Variants in FREM2 observed in about 807,000 individuals in gnomAD.
FREM2 encodes the protein FRAS1 related extracellular matrix 2, also known as FRAS1-related extracellular matrix protein 2.
Under a neutral mutation model 219.9 loss-of-function variants are expected in FREM2, and 119 were observed. The observed-to-expected ratio is 0.54, with a 90% confidence interval of 0.47 to 0.63. FREM2 has a LOEUF of 0.63. FREM2 is among the 30% of genes least tolerant of loss of function. FREM2 has a pLI of 0.00. For synonymous variants in FREM2, 1,562 were observed against 1,522.8 expected (o/e 1.03, Z -0.60); for missense variants, 4,030 against 3,993.6 (o/e 1.01, Z -0.25).
intron 2 of FREM2, among the ~76,000 whole-genome samples, chr13:38,748,067 C>G (rs552789326): frequency 1.3e-5 from 2 of 152,066 alleles, no homozygotes; most frequent in Non-Finnish European, 2.9e-5. Context: ...TTTTTTGGAA[C>G]TGGCCAAAAT....
In FREM2 at chr13:38,769,802, G is replaced by A; in HGVS notation, c.5635G>A (p.Gly1879Arg). 1 of 1,613,284 alleles carries A rather than the reference G, an allele frequency of 6.2e-7. No individual in the cohort carries two copies. The highest frequency in any genetic ancestry group is 8.5e-7 in the Non-Finnish European group (1 of 1,179,266). ...TVATVEIVDP[G>R]DEPTVFIPQS... ...CGCCACTGTTGAGATCGTTGATCCA[G>A]GAGATGGTAAGAGCCATCGTCAACT... The change falls in exon 4 of 24, where the codon GGA (glycine) becomes AGA (arginine). Residue 1879 changes from glycine (G) to arginine (R), a missense_variant. Coordinates refer to ENST00000280481, the MANE Select transcript of FREM2 (RefSeq NM_207361.6).
At chr13:38,840,644 A>ATATATATATATATGTGTGTG (rs1184958401) in intron 6 of FREM2, among the ~76,000 whole-genome samples, 1 of 134,268 alleles carries the variant, frequency 7.4e-6, no homozygotes, top group African/African-American at 2.9e-5. Context: ...ATATATATAT[A>ATATATATATATATGTGTGTG]TGTGTATGTA....
chr13:38,816,134 G>A (rs1875754722), intron 6 of FREM2, among the ~76,000 whole-genome samples: 1 of 152,130 alleles, frequency 6.6e-6, no homozygotes. Flanking sequence ...CAGATTCCCA[G>A]CTGAATTCTA....
chr13:38,772,855 C>T (rs1873723025), intron 4 of FREM2, among the ~76,000 whole-genome samples: 1 of 151,914 alleles, frequency 6.6e-6, no homozygotes, highest in Non-Finnish European at 1.5e-5. Flanking sequence ...TGCCACCACG[C>T]CCGGCTAATT....
intron 6 of FREM2, among the ~76,000 whole-genome samples, chr13:38,824,810 T>A (rs4503675): frequency 0.01 from 1,535 of 151,930 alleles, 31 homozygotes; most frequent in African/African-American, 0.035. Flanking sequence ...TTACACCTTA[T>A]CAGAATTCAG....
At chr13:38,754,462 A>T (rs1050669168) in intron 2 of FREM2, among the ~76,000 whole-genome samples, 51 of 152,182 alleles carry the variant, frequency 3.4e-4, no homozygotes, top group African/African-American at 1.2e-3. Context: ...GAAGACTCAG[A>T]GGAAGTATAG....
intron 15 of FREM2, among the ~76,000 whole-genome samples, chr13:38,861,833 A>AAG (rs1192539405): frequency 1.6e-4 from 24 of 152,260 alleles, no homozygotes; most frequent in Admixed American, 1.6e-3. Flanking sequence ...GCTTTTATGA[A>AAG]AGAGTACAAA....
At chr13:38,869,154 T>C (rs184194801) in intron 16 of FREM2, among the ~76,000 whole-genome samples, 1 of 152,244 alleles carries the variant, frequency 6.6e-6, no homozygotes, top group Non-Finnish European at 1.5e-5. Context: ...AGAATTGATT[T>C]TTTAAATGTG....
intron 2 of FREM2, among the ~76,000 whole-genome samples, chr13:38,720,417 T>C (rs1439073450): frequency 6.6e-6 from 1 of 152,212 alleles, no homozygotes; most frequent in African/African-American, 2.4e-5. Flanking sequence ...TGCTTAAAGC[T>C]ATAGAACTCA....
chr13:38,855,077 A>G (rs576190960), intron 11 of FREM2, among the ~76,000 whole-genome samples: 1 of 152,294 alleles, frequency 6.6e-6, no homozygotes, highest in South Asian at 2.1e-4. Context: ...ATTTCAATAA[A>G]ATCTGATAAT....
Position 38,690,989 on chromosome 13 carries a change from T to C in FREM2, c.3645T>C (p.Ala1215=). 6.2e-7 allele frequency: 1 copy of C among 1,614,154 alleles called. No homozygotes were observed. The change falls in exon 1 of 24, where the codon GCT becomes GCC. Residue 1215 remains alanine, a synonymous_variant. Transcript: ENST00000280481. ...TAATTGATACACCCATTCTCAATGC[T>C]GCTGATGCTGATGTTCCCCTGGATG... is the stretch of plus-strand genomic sequence containing the variant. The part of the protein sequence containing the change: ...SLVIDTPILN[A]ADADVPLDDL...
At chr13:38,720,296 G>A (rs1180820599) in intron 2 of FREM2, among the ~76,000 whole-genome samples, 1 of 152,150 alleles carries the variant, frequency 6.6e-6, no homozygotes, top group Non-Finnish European at 1.5e-5. Context: ...AAATCACTTA[G>A]TACTGTCTCA....
chr13:38,821,033 A>T (rs1395441015), intron 6 of FREM2, among the ~76,000 whole-genome samples: 2 of 152,150 alleles, frequency 1.3e-5, no homozygotes, highest in Non-Finnish European at 2.9e-5. Flanking sequence ...CACTGTAGAG[A>T]TGTGAAACTT....
chr13:38,878,038 TA>T (rs1476121798), intron 21 of FREM2, 95 bp from the exon 22 acceptor site: 4 of 1,065,556 alleles, frequency 3.8e-6, no homozygotes, highest in East Asian at 4.7e-5. Flanking sequence ...GGCAAGGAAA[TA>T]ATCTCTGTGT....
chr13:38,862,189 TGTTA>T (rs1195142994), intron 15 of FREM2, among the ~76,000 whole-genome samples: 1 of 152,218 alleles, frequency 6.6e-6, no homozygotes, highest in Non-Finnish European at 1.5e-5. Context: ...TTACTTGATA[TGTTA>T]GTTATATTTT....
At chr13:38,875,238 G>A (rs1171687123) in intron 18 of FREM2, among the ~76,000 whole-genome samples, 1 of 151,200 alleles carries the variant, frequency 6.6e-6, no homozygotes, top group African/African-American at 2.4e-5. Context: ...GTAACATGGA[G>A]AGTCAAATAA....
rs1406506879 is a variant in FREM2, at chr13:38,881,604, T to G, written c.*817T>G. The stretch of plus-strand genomic sequence containing the variant: ...GGAAATTAGAGGGTTGGTGAGATTT[T>G]GGTGATGAATAAATGCCATAGAGTT... On this transcript the variant is annotated 3_prime_UTR_variant, in exon 24 of 24. Transcript: ENST00000280481. 2 of 152,674 alleles carry G rather than the reference T, an allele frequency of 1.3e-5. No homozygotes were observed. The highest frequency in any genetic ancestry group is 6.5e-5 in the Admixed American group (1 of 15,278). 9.5% of individuals were successfully genotyped at this position (152,674 alleles called of 1,614,324 possible). A position where few individuals can be genotyped will look rare whatever the true frequency, so the allele number is the denominator to read the frequency against.
At chr13:38,811,038 A>T (rs1416034245) in intron 6 of FREM2, among the ~76,000 whole-genome samples, 1 of 151,810 alleles carries the variant, frequency 6.6e-6, no homozygotes, top group East Asian at 1.9e-4. Flanking sequence ...TGGTAAATTA[A>T]TTTTTTATAT....
At chr13:38,774,442 T>G (rs1873795133) in intron 4 of FREM2, among the ~76,000 whole-genome samples, 2 of 152,150 alleles carry the variant, frequency 1.3e-5, no homozygotes, top group Admixed American at 1.3e-4. Flanking sequence ...TCCCCTAGAT[T>G]GTTACAATTA....
Sources: allele counts gnomAD v4.1 joint callset (sites outside exome capture counted in the v4.1 genomes callset), GRCh38; gene constraint gnomAD v4.1.1; transcripts MANE v1.5; gene names NCBI Gene and HGNC (gene_info 2026-07-23, HGNC 2026-07-21).